Variants in ARID2 observed in about 807,000 individuals in gnomAD.
The protein encoded by ARID2 is AT-rich interactive domain-containing protein 2.
A neutral mutation model predicts 184.6 loss-of-function variants in ARID2; 32 were observed. That is an observed-to-expected ratio of 0.17 (90% confidence interval 0.13 to 0.23). The LOEUF (loss-of-function observed/expected upper bound fraction) is 0.23, where lower values mean the gene tolerates loss of function less well. Among genes scored for constraint, ARID2 ranks in the 10% least tolerant of loss-of-function variants. The pLI is 1.00. For synonymous variants in ARID2, 836 were observed against 772.6 expected, an observed-to-expected ratio of 1.08 and a Z score of -1.36; for missense variants, 1,696 against 2,197.6, an observed-to-expected ratio of 0.77 and a Z score of 4.56.
chr12:45,808,028 G>A (rs1283711277), intron 3 of ARID2, among the ~76,000 whole-genome samples: 1 of 152,080 alleles, frequency 6.6e-6, no homozygotes, highest in African/African-American at 2.4e-5. Context: ...AATGTACTAG[G>A]CAGATTACTA....
chr12:45,852,777 A>G lies in ARID2; in HGVS notation c.4654A>G (p.Thr1552Ala), dbSNP rs1461745980. 1.9e-6 allele frequency: 3 copies of G among 1,614,052 alleles called. No homozygotes were observed. Among genetic ancestry groups the G allele is most frequent in the African/African-American group, 1.3e-5 (1 of 74,938 alleles). Residue 1552 changes from threonine to alanine, a missense_variant, in exon 15 of 21, where the codon ACA (threonine) becomes GCA (alanine). By Grantham distance (58) the Thr-to-Ala change is moderately conservative (BLOSUM62 0). Coordinates refer to ENST00000334344, the MANE Select transcript of ARID2 (RefSeq NM_152641.4). ...CCCCAACAATGCTGGCTGCAGCGCA[A>G]CAATGGTTGCTGTGCCAGCAGGAGC... ...SDPNNAGCSATMVAVPAGADP... is the reference protein window; with the variant it reads ...SDPNNAGCSAAMVAVPAGADP...
intron 16 of ARID2, among the ~76,000 whole-genome samples, chr12:45,873,793 TCA>T (rs1943963905): frequency 6.6e-6 from 1 of 152,210 alleles, no homozygotes; most frequent in Admixed American, 6.5e-5. Context: ...ATGCTAATGA[TCA>T]TCTGAACCTT....
At chr12:45,786,373 A>C (rs1311819283) in intron 3 of ARID2, among the ~76,000 whole-genome samples, 2 of 152,224 alleles carry the variant, frequency 1.3e-5, no homozygotes, top group South Asian at 2.1e-4. Context: ...ATTCTGACAT[A>C]ATATGACAAT....
intron 3 of ARID2, among the ~76,000 whole-genome samples, chr12:45,795,473 C>T (rs1437058093): frequency 6.6e-6 from 1 of 152,062 alleles, no homozygotes; most frequent in African/African-American, 2.4e-5. Context: ...GCTCTGTCGC[C>T]CAGGCTGGAG....
At position 45,828,915 on chromosome 12, in the gene ARID2, A is replaced by G. The variant is rs370288021; in HGVS notation, c.705+7428A>G. 4.6e-5 allele frequency among the ~76,000 whole-genome samples: 7 copies of G among 152,080 alleles called. No homozygotes were observed. The South Asian group carries it at 1.4e-3, about 31-fold the overall frequency. ...GAATGGTGTCTTTTGATGAACTTAC[A>G]TAACTTAATTTTAATGTAGTTTAAC... On this transcript the variant is annotated intron_variant, in intron 6 of 20. Coordinates refer to ENST00000334344, the MANE Select transcript of ARID2 (RefSeq NM_152641.4).
chr12:45,860,242 A>G (rs1943720229), intron 15 of ARID2, among the ~76,000 whole-genome samples: 1 of 152,222 alleles, frequency 6.6e-6, no homozygotes, highest in Admixed American at 6.5e-5. Flanking sequence ...ACAAAAATAC[A>G]TAATTGAGCA....
At chr12:45,843,643 C>T (rs1429526421) in intron 11 of ARID2, among the ~76,000 whole-genome samples, 1 of 152,072 alleles carries the variant, frequency 6.6e-6, no homozygotes, top group Non-Finnish European at 1.5e-5. Flanking sequence ...AGTCCAGGGA[C>T]TGTATTTTTA....
Position 45,899,587 on chromosome 12 carries a change from CAG to C in ARID2, c.5364-5344_5364-5343del, listed in dbSNP as rs1592148641. Reference sequence around the variant, plus strand: ...CACCACTGCACTCCAGCCTGGGCGACAGAGCGAGATTCCATCTCAAAATATAT... The same window carrying C: ...CACCACTGCACTCCAGCCTGGGCGACAGCGAGATTCCATCTCAAAATATAT... On this transcript the variant is annotated intron_variant, in intron 20 of 20. Coordinates refer to ENST00000334344, the MANE Select transcript of ARID2 (RefSeq NM_152641.4). Among the ~76,000 whole-genome samples, 4 of 148,370 alleles carry C rather than the reference CAG, an allele frequency of 2.7e-5. No individual in the cohort carries two copies. The East Asian group carries it at 7.8e-4, about 29-fold the overall frequency.
At chr12:45,853,134 A>G (rs1181194925) in intron 15 of ARID2, among the ~76,000 whole-genome samples, 1 of 152,218 alleles carries the variant, frequency 6.6e-6, no homozygotes, top group African/African-American at 2.4e-5. Context: ...TTCTAGGCCC[A>G]AGGTAGAGAA....
intron 6 of ARID2, among the ~76,000 whole-genome samples, chr12:45,826,190 T>TAA (rs1335650476): frequency 2.0e-5 from 3 of 152,150 alleles, no homozygotes; most frequent in African/African-American, 7.2e-5. Context: ...GACTATATAT[T>TAA]AAACACTTTA....
chr12:45,863,352 A>G (rs569418929), intron 16 of ARID2, among the ~76,000 whole-genome samples: 38 of 152,356 alleles, frequency 2.5e-4, no homozygotes, highest in African/African-American at 8.9e-4. Flanking sequence ...AGTTCCAAGT[A>G]GGAACATATA....
chr12:45,828,633 T>G (rs1943049792), intron 6 of ARID2, among the ~76,000 whole-genome samples: 1 of 152,090 alleles, frequency 6.6e-6, no homozygotes, highest in Admixed American at 6.6e-5. Context: ...TTTGGTATTG[T>G]CAGTCTCTTT....
rs1387137586 is a variant in ARID2, at chr12:45,846,894, C to G, written c.1537C>G (p.Pro513Ala). The G allele has an allele frequency of 6.2e-7, 1 of 1,613,028 alleles. No individual in the cohort carries two copies. Among genetic ancestry groups the G allele is most frequent in the Admixed American group, 1.7e-5 (1 of 59,980 alleles). Residue 513 changes from proline to alanine, a missense_variant, in exon 12 of 21, where the codon CCA becomes GCA. Pro to Ala is a conservative substitution (Grantham distance 27). Around this residue, in one of 11 missense-constraint regions of ARID2, gnomAD observed 713 missense variants for 824.4 expected, o/e 0.86. Coordinates refer to ENST00000334344, the MANE Select transcript of ARID2 (RefSeq NM_152641.4). ...AVVAQHVAPPPGIVEIDSEKF... is the reference protein window; with the variant it reads ...AVVAQHVAPPAGIVEIDSEKF... ...TGTAGCGCAGCATGTTGCTCCACCT[C>G]CAGGAATAGTGGAAATAGATAGTGA...
At chr12:45,892,352 T>C (rs1565641523) in intron 18 of ARID2, among the ~76,000 whole-genome samples, 1 of 152,154 alleles carries the variant, frequency 6.6e-6, no homozygotes, top group Non-Finnish European at 1.5e-5. Context: ...TAGTCAGTCA[T>C]TGGAAGTAAT....
At chr12:45,772,096 G>A (rs1336087001) in intron 3 of ARID2, among the ~76,000 whole-genome samples, 3 of 152,034 alleles carry the variant, frequency 2.0e-5, no homozygotes, top group Non-Finnish European at 4.4e-5. Flanking sequence ...TATATGGGAA[G>A]CCCTAGAGCA....
At chr12:45,883,602 A>G (rs567683890) in intron 16 of ARID2, among the ~76,000 whole-genome samples, 1 of 150,364 alleles carries the variant, frequency 6.7e-6, no homozygotes, top group South Asian at 2.1e-4. Context: ...ATATAAAAAT[A>G]TACCCCCATT....
intron 6 of ARID2, among the ~76,000 whole-genome samples, chr12:45,822,603 A>G (rs1002941850): frequency 6.6e-6 from 1 of 152,102 alleles, no homozygotes; most frequent in Non-Finnish European, 1.5e-5. Flanking sequence ...TGTTTTAGGG[A>G]ACTACTTTAT....
rs2138164777 is a variant in ARID2 at position 45,850,743 on chromosome 12, A to G, written c.2620A>G (p.Thr874Ala). ...ATSVQNFQVA[T>A]GQMVTIAGVP... ...TTCAGTACAGAATTTTCAGGTAGCT[A>G]CAGGACAAATGGTTACTATTGCTGG... Residue 874 changes from threonine to alanine, a missense_variant, in exon 15 of 21, where the codon ACA becomes GCA. Thr to Ala is a moderately conservative substitution (Grantham distance 58). This residue lies in a region of ARID2 where 713 missense variants were observed against 824.4 expected (regional missense o/e 0.86). Coordinates refer to ENST00000334344, the MANE Select transcript of ARID2 (RefSeq NM_152641.4). 3 of 1,614,106 alleles carry G rather than the reference A, an allele frequency of 1.9e-6. No homozygotes were observed. The highest frequency in any genetic ancestry group is 1.3e-5 in the African/African-American group (1 of 75,034).
At chr12:45,741,503 A>G (rs1208489263) in intron 3 of ARID2, among the ~76,000 whole-genome samples, 1 of 152,062 alleles carries the variant, frequency 6.6e-6, no homozygotes, top group Admixed American at 6.6e-5. Context: ...GGCTCCTTTT[A>G]CATTTCTCCT....
Sources: allele counts gnomAD v4.1 joint callset (sites outside exome capture counted in the v4.1 genomes callset), GRCh38; gene constraint gnomAD v4.1.1; regional missense constraint gnomAD v4.1.1; transcripts MANE v1.5; gene names NCBI Gene and HGNC (gene_info 2026-07-23, HGNC 2026-07-21).